The following NRXN1 variants were observed in gnomAD, a reference collection of about 807,000 sequenced individuals.
NRXN1 encodes neurexin-1.
A neutral mutation model predicts 150.9 loss-of-function variants in NRXN1; 39 were observed. The observed-to-expected ratio is 0.26, with a 90% CI of 0.20 to 0.34. The LOEUF is 0.34. Ranked by LOEUF, NRXN1 falls within the 10% of genes least tolerant of loss-of-function variation. The pLI, the probability that NRXN1 is intolerant of heterozygous loss-of-function variation, is 1.00. For missense variants in NRXN1, 1,815 were observed against 1,949.9 expected (o/e 0.93, Z 1.30); for synonymous variants, 924 against 757.0 (o/e 1.22, Z -3.62).
At chr2:50,608,580 T>C (rs1238433379) in intron 8 of NRXN1, among the ~76,000 whole-genome samples, 2 of 152,272 alleles carry the variant, frequency 1.3e-5, no homozygotes, top group East Asian at 3.9e-4. Context: ...TAGCTTTATA[T>C]GCACATATTG....
At chr2:50,405,834 A>C (rs919968104) in intron 17 of NRXN1, among the ~76,000 whole-genome samples, 1 of 152,160 alleles carries the variant, frequency 6.6e-6, no homozygotes, top group Non-Finnish European at 1.5e-5. Context: ...CAGGAAAAAT[A>C]ATAATAGCTA....
At chr2:50,623,867 T>C (rs2104301547) in intron 5 of NRXN1, among the ~76,000 whole-genome samples, 1 of 152,230 alleles carries the variant, frequency 6.6e-6, no homozygotes, top group African/African-American at 2.4e-5. Flanking sequence ...ACATGTGCCA[T>C]GTTGGTGTGC....
intron 5 of NRXN1, among the ~76,000 whole-genome samples, chr2:50,776,152 T>C (rs1029822310): frequency 2.6e-5 from 4 of 152,130 alleles, no homozygotes; most frequent in African/African-American, 9.7e-5. Flanking sequence ...AGGCACAAGT[T>C]TGAACAATTC....
intron 17 of NRXN1, among the ~76,000 whole-genome samples, chr2:50,383,033 T>TGGGAA (rs1400222396): frequency 9.2e-5 from 14 of 152,192 alleles, no homozygotes; most frequent in Non-Finnish European, 1.9e-4. Flanking sequence ...TCATATATGT[T>TGGGAA]CTTGGTCACA....
At chr2:50,114,039 C>T (rs1221027175) in intron 18 of NRXN1, among the ~76,000 whole-genome samples, 2 of 151,806 alleles carry the variant, frequency 1.3e-5, no homozygotes, top group Non-Finnish European at 2.9e-5. Context: ...ACAAACTGAA[C>T]CCTAAAATTA....
At chr2:50,146,194 AT>A (rs1707986108) in intron 18 of NRXN1, among the ~76,000 whole-genome samples, 2 of 151,664 alleles carry the variant, frequency 1.3e-5, no homozygotes, top group South Asian at 4.1e-4. Context: ...GTTACTATGC[AT>A]TTCCAAGTAG....
intron 8 of NRXN1, among the ~76,000 whole-genome samples, chr2:50,578,091 C>G (rs1173953393): frequency 6.6e-6 from 1 of 152,128 alleles, no homozygotes; most frequent in Admixed American, 6.5e-5. Context: ...ACTGCTCATT[C>G]CACAACAAGT....
Position 50,517,825 on chromosome 2 carries a change from G to C in NRXN1, c.2374+10800C>G, listed in dbSNP as rs145669513. ...TTGTCCTCAAGTGGATGTGACCTTG[G>C]AGAGTTGTTGGAAACACCCTCCAGA... On this transcript the variant is annotated intron_variant, in intron 12 of 22. Coordinates refer to ENST00000401669, the MANE Select transcript of NRXN1 (RefSeq NM_001330078.2). Among the ~76,000 whole-genome samples, 185 of 152,218 alleles carry C rather than the reference G, an allele frequency of 1.2e-3. 5 individuals carry two copies. The East Asian group carries it at 0.025, about 20-fold the overall frequency.
chr2:50,523,625 C>T (rs1280923317), intron 12 of NRXN1, among the ~76,000 whole-genome samples: 4 of 152,150 alleles, frequency 2.6e-5, no homozygotes, highest in Non-Finnish European at 5.9e-5. Flanking sequence ...TTGGTGATAA[C>T]TAATATCCAT....
intron 21 of NRXN1, among the ~76,000 whole-genome samples, chr2:50,010,448 C>T (rs942785300): frequency 6.6e-6 from 1 of 152,084 alleles, no homozygotes; most frequent in Non-Finnish European, 1.5e-5. Flanking sequence ...ATAAGCAGAC[C>T]TAAATACATT....
chr2:50,737,641 C>A (rs2105247993), intron 5 of NRXN1, among the ~76,000 whole-genome samples: 1 of 152,050 alleles, frequency 6.6e-6, no homozygotes, highest in East Asian at 1.9e-4. Flanking sequence ...TGTTAATAAT[C>A]TTCATTCATT....
intron 5 of NRXN1, among the ~76,000 whole-genome samples, chr2:50,874,604 G>C (rs964235934): frequency 1.3e-5 from 2 of 151,716 alleles, no homozygotes; most frequent in African/African-American, 4.8e-5. Flanking sequence ...TGAAATAGTA[G>C]TAATAAAAGT....
At chr2:50,742,679 T>C (rs774822701) in intron 5 of NRXN1, among the ~76,000 whole-genome samples, 5 of 151,760 alleles carry the variant, frequency 3.3e-5, no homozygotes, top group Admixed American at 6.6e-5. Flanking sequence ...TTTCCATATC[T>C]CAACGTTCTA....
At chr2:50,094,762 G>T (rs919522043) in intron 18 of NRXN1, among the ~76,000 whole-genome samples, 1 of 113,970 alleles carries the variant, frequency 8.8e-6, no homozygotes, top group East Asian at 3.0e-4. Flanking sequence ...ACTGAGAAAA[G>T]AAAAGAAAAA....
At chr2:50,632,371 A>T (rs957819039) in intron 5 of NRXN1, 4 of 152,058 alleles carry the variant, frequency 2.6e-5, no homozygotes, top group African/African-American at 9.7e-5. Flanking sequence ...GGAAGGCAAG[A>T]GCAGAGGAAA....
At chr2:50,641,799 G>GCCTT (rs1314255579) in intron 5 of NRXN1, among the ~76,000 whole-genome samples, 1 of 152,046 alleles carries the variant, frequency 6.6e-6, no homozygotes, top group Non-Finnish European at 1.5e-5. Flanking sequence ...CAGTTATTCA[G>GCCTT]CAGAACAGCC....
intron 5 of NRXN1, among the ~76,000 whole-genome samples, chr2:50,733,701 A>C (rs1364870092): frequency 6.6e-6 from 1 of 152,274 alleles, no homozygotes; most frequent in African/African-American, 2.4e-5. Context: ...ATTTTAGAGA[A>C]GATTAATATT....
intron 2 of NRXN1, among the ~76,000 whole-genome samples, chr2:50,939,295 A>C (rs1689045109): frequency 6.6e-6 from 1 of 151,106 alleles, no homozygotes; most frequent in Non-Finnish European, 1.5e-5. Flanking sequence ...TAGAAATCAT[A>C]TTTTTTGGAA....
intron 2 of NRXN1, among the ~76,000 whole-genome samples, chr2:50,972,364 T>C (rs375330609): frequency 9.9e-5 from 15 of 152,216 alleles, no homozygotes; most frequent in Admixed American, 6.5e-4. Flanking sequence ...CTGCCACCAA[T>C]CTATATGCCA....
Sources: allele counts gnomAD v4.1 joint callset (sites outside exome capture counted in the v4.1 genomes callset), GRCh38; gene constraint gnomAD v4.1.1; transcripts MANE v1.5; gene names NCBI Gene and HGNC (gene_info 2026-07-23, HGNC 2026-07-21).